The following UGGT2 variants were observed in gnomAD, a reference collection of about 807,000 sequenced individuals.
UGGT2 encodes UDP-glucose glycoprotein glucosyltransferase 2.
A neutral mutation model predicts 192.1 loss-of-function variants in UGGT2; 180 were observed. The ratio of observed to expected loss-of-function variants is 0.94; its 90% CI spans 0.83 to 1.06. UGGT2 has a LOEUF of 1.06. UGGT2 is among the 50% of genes least tolerant of loss of function. The probability of loss-of-function intolerance (pLI) is 0.00; values close to 1 mark genes in which losing one functional copy is unlikely to be tolerated. For synonymous variants in UGGT2, 580 were observed against 591.0 expected (o/e 0.98, Z 0.27); for missense variants, 1,849 against 1,795.7 (o/e 1.03, Z -0.54).
intron 27 of UGGT2, among the ~76,000 whole-genome samples, chr13:95,881,611 A>G (rs2047498041): frequency 6.6e-6 from 1 of 152,196 alleles, no homozygotes; most frequent in Non-Finnish European, 1.5e-5. Context: ...TAAAACTGAT[A>G]TCAAAATTAT....
chr13:95,860,838 GA>G lies in UGGT2; in HGVS notation c.3689del (p.Val1230AlafsTer2). 6.4e-7 allele frequency: 1 copy of G among 1,566,998 alleles called. No individual in the cohort carries two copies. The highest frequency in any genetic ancestry group is 8.6e-7 in the Non-Finnish European group (1 of 1,158,012). ...CAGAAGCAACTGAAAAAATGTTTAG[GA>G]CATCTTTTTCCTTTTTGTTTTCTTT... is the stretch of plus-strand genomic sequence containing the variant. ...LHKENKKEKD[V>X]LNIFSVASGH... On this transcript the variant is annotated frameshift_variant, in exon 32 of 39. Transcript: ENST00000376747. LOFTEE classifies it high-confidence loss of function.
chr13:95,969,552 T>G (rs1246688324), intron 12 of UGGT2, among the ~76,000 whole-genome samples: 1 of 152,230 alleles, frequency 6.6e-6, no homozygotes, highest in African/African-American at 2.4e-5. Flanking sequence ...AAGTGCTTTC[T>G]AAGCATGAGA....
At chr13:95,951,810 AG>A (rs1279911812) in intron 12 of UGGT2, among the ~76,000 whole-genome samples, 1 of 152,218 alleles carries the variant, frequency 6.6e-6, no homozygotes, top group Non-Finnish European at 1.5e-5. Flanking sequence ...TACATATTAC[AG>A]CACTTTGGGA....
intron 5 of UGGT2, among the ~76,000 whole-genome samples, chr13:96,007,167 A>G (rs952182582): frequency 6.6e-6 from 1 of 152,194 alleles, no homozygotes; most frequent in Non-Finnish European, 1.5e-5. Flanking sequence ...GTAATACACC[A>G]TATTAAAAGA....
At chr13:96,046,826 G>A (rs1444833477) in intron 1 of UGGT2, among the ~76,000 whole-genome samples, 1 of 152,186 alleles carries the variant, frequency 6.6e-6, no homozygotes, top group Non-Finnish European at 1.5e-5. Context: ...ATTATATCCT[G>A]CGCATGGCTT....
At chr13:95,932,626 G>C (rs1349775413) in intron 17 of UGGT2, among the ~76,000 whole-genome samples, 1 of 152,050 alleles carries the variant, frequency 6.6e-6, no homozygotes, top group Non-Finnish European at 1.5e-5. Context: ...CCAGTACTAT[G>C]ATGAATAGGA....
Position 96,018,591 on chromosome 13 carries a change from C to T in UGGT2, c.485+4449G>A, listed in dbSNP as rs149971466. On this transcript the variant is annotated intron_variant, in intron 4 of 38. Coordinates refer to ENST00000376747, the MANE Select transcript of UGGT2 (RefSeq NM_020121.4). ...GAAAGTGACAGCAATCATTACCATC[C>T]TAAATGAGTATAACTTTCTCCCAGT... 8.2e-4 allele frequency among the ~76,000 whole-genome samples: 125 copies of T among 151,986 alleles called. 1 individual carries two copies. The East Asian group carries it at 0.022, about 27-fold the overall frequency.
chr13:95,912,505 A>C (rs548635659), intron 20 of UGGT2, among the ~76,000 whole-genome samples: 1 of 152,272 alleles, frequency 6.6e-6, no homozygotes, highest in South Asian at 2.1e-4. Context: ...AAAGAGAATA[A>C]AATACCTAGT....
chr13:95,909,909 A>G (rs551779720), intron 20 of UGGT2, among the ~76,000 whole-genome samples: 62 of 152,140 alleles, frequency 4.1e-4, no homozygotes, highest in African/African-American at 1.5e-3. Context: ...GAAACCCTAC[A>G]AGCCAGAAGA....
At chr13:96,047,055 T>A (rs1038037439) in intron 1 of UGGT2, among the ~76,000 whole-genome samples, 2 of 152,182 alleles carry the variant, frequency 1.3e-5, no homozygotes, top group Non-Finnish European at 1.5e-5. Context: ...AGGGCATAAC[T>A]GAACAAAAGG....
At chr13:95,932,536 T>C (rs1285219067) in intron 17 of UGGT2, among the ~76,000 whole-genome samples, 4 of 152,158 alleles carry the variant, frequency 2.6e-5, no homozygotes, top group Non-Finnish European at 4.4e-5. Context: ...AATCATATCA[T>C]CAGTGAAGAG....
intron 4 of UGGT2, among the ~76,000 whole-genome samples, chr13:96,018,271 T>C (rs1164750824): frequency 2.0e-5 from 3 of 152,098 alleles, no homozygotes; most frequent in Non-Finnish European, 4.4e-5. Context: ...ATCCCAGCAC[T>C]CTGGGAGGCT....
chr13:96,024,813 C>T (rs575884272), intron 2 of UGGT2, among the ~76,000 whole-genome samples: 1 of 152,250 alleles, frequency 6.6e-6, no homozygotes, highest in East Asian at 1.9e-4. Flanking sequence ...GTGGTTACAC[C>T]AGACTGCAAC....
intron 5 of UGGT2, among the ~76,000 whole-genome samples, chr13:96,008,043 G>A (rs1028402888): frequency 3.3e-5 from 5 of 152,134 alleles, no homozygotes; most frequent in Non-Finnish European, 7.4e-5. Context: ...AATCAAAATT[G>A]ATTGAAGACT....
intron 26 of UGGT2, chr13:95,887,181 T>C: frequency 2.5e-6 from 1 of 406,692 alleles, no homozygotes; most frequent in Non-Finnish European, 5.0e-6. Context: ...TGTGTATGCA[T>C]ACATTTTTTG....
chr13:95,910,645 C>T (rs977509272), intron 20 of UGGT2, among the ~76,000 whole-genome samples: 1 of 152,108 alleles, frequency 6.6e-6, no homozygotes, highest in African/African-American at 2.4e-5. Flanking sequence ...TAATGGGAGA[C>T]TTTAACACCC....
chr13:95,852,820 G>A (rs1889184290), intron 36 of UGGT2, among the ~76,000 whole-genome samples: 1 of 152,148 alleles, frequency 6.6e-6, no homozygotes, highest in South Asian at 2.1e-4. Context: ...CAGGGTGGGG[G>A]TGCACTGGAT....
At chr13:95,820,367 G>A (rs1885384316) in intron 38 of UGGT2, among the ~76,000 whole-genome samples, 2 of 152,058 alleles carry the variant, frequency 1.3e-5, no homozygotes, top group African/African-American at 4.8e-5. Context: ...ATGTCCCACT[G>A]CTATGTAAAC....
chr13:95,881,296 A>G (rs1446154196), intron 27 of UGGT2, among the ~76,000 whole-genome samples: 7 of 152,158 alleles, frequency 4.6e-5, no homozygotes, highest in Non-Finnish European at 1.0e-4. Flanking sequence ...GGATTAAGGG[A>G]GACTTCTAAA....
Sources: gnomAD v4.1 joint callset for allele counts (sites outside exome capture counted in the v4.1 genomes callset) on GRCh38, gnomAD v4.1.1 for gene constraint, MANE v1.5 for transcripts, NCBI Gene and HGNC (gene_info 2026-07-23, HGNC 2026-07-21) for gene names.